MCM10: variants seen among roughly 807,000 people sequenced by gnomAD.
MCM10 encodes protein MCM10 homolog.
Under a neutral mutation model 109.9 loss-of-function variants are expected in MCM10, and 91 were observed. The observed-to-expected ratio is 0.83, with a 90% CI of 0.70 to 0.99. The LOEUF (loss-of-function observed/expected upper bound fraction) is 0.99, where lower values mean the gene tolerates loss of function less well. Among genes scored for constraint, MCM10 ranks in the 50% least tolerant of loss-of-function variants. The pLI is 0.00. For missense variants in MCM10, 1,077 were observed against 1,061.2 expected (o/e 1.01, Z -0.21); for synonymous variants, 380 against 387.2 (o/e 0.98, Z 0.22).
At chr10:13,167,966 C>T (rs1409906118) in intron 2 of MCM10, among the ~76,000 whole-genome samples, 2 of 152,122 alleles carry the variant, frequency 1.3e-5, no homozygotes, top group African/African-American at 2.4e-5. Flanking sequence ...ATTGAGTCAG[C>T]GTAATACAGA....
At chr10:13,190,757 C>T (rs1834337058) in intron 10 of MCM10, among the ~76,000 whole-genome samples, 1 of 151,550 alleles carries the variant, frequency 6.6e-6, no homozygotes. Context: ...CATATGTGTA[C>T]ATTTTTAGTA....
Position 13,209,298 on chromosome 10 carries a change from C to G in MCM10, c.2613C>G (p.Asn871Lys). 6 of 1,613,456 alleles carry G rather than the reference C, an allele frequency of 3.7e-6. No homozygotes were observed. The highest frequency in any genetic ancestry group is 5.1e-6 in the Non-Finnish European group (6 of 1,179,734). Residue 871 changes from asparagine (N) to lysine (K), a missense_variant, in exon 20 of 20, where the codon AAC (asparagine) becomes AAG (lysine). Physicochemically the swap from Asn to Lys is moderately conservative, Grantham distance 94. Transcript: ENST00000378714. The part of the protein sequence containing the change: ...PRGEEHAKFL[N>K]SLK ...GAGAAGAACATGCTAAATTTCTGAA[C>G]AGCCTTAAATAACCCGAACTTCAGA...
At chr10:13,183,922 G>C (rs1342754680) in intron 8 of MCM10, among the ~76,000 whole-genome samples, 1 of 152,062 alleles carries the variant, frequency 6.6e-6, no homozygotes, top group African/African-American at 2.4e-5. Context: ...GCAATGGCGT[G>C]ATCTTGACTC....
rs779109062 is a variant in MCM10 at position 13,172,451 on chromosome 10, C to G, written c.425C>G (p.Ala142Gly). The change falls in exon 4 of 20, where the codon GCA becomes GGA. Residue 142 changes from alanine (A) to glycine (G), a missense_variant. Coordinates refer to ENST00000378714, the MANE Select transcript of MCM10 (RefSeq NM_018518.5). This position sits in a 1 kb window ranked among gnomAD's most constrained non-coding sequence, Gnocchi z 5.2. Reference protein sequence around the residue: ...QLKVTTIKQTASPARLQKSPE... With the variant: ...QLKVTTIKQTGSPARLQKSPE... ...AAAGTAACAACAATTAAACAGACAG[C>G]AAGCCCAGCCCGTCTGCAAAAATCC... 6 of 1,614,092 alleles carry G rather than the reference C, an allele frequency of 3.7e-6. No homozygotes were observed. Among genetic ancestry groups the G allele is most frequent in the Non-Finnish European group, 8.5e-7 (1 of 1,180,004 alleles).
chr10:13,201,760 A>G (rs1834503515), intron 17 of MCM10: 1 of 514,126 alleles, frequency 1.9e-6, no homozygotes, highest in Admixed American at 3.2e-5. Flanking sequence ...CTCTCATTTG[A>G]CCACAGCCCC....
intron 11 of MCM10, among the ~76,000 whole-genome samples, chr10:13,191,673 C>T (rs772665442): frequency 5.3e-5 from 8 of 152,046 alleles, no homozygotes; most frequent in East Asian, 3.8e-4. Context: ...GTGAGTGGCG[C>T]GGTCTAACCT....
chr10:13,208,440 A>G (rs1437554310), intron 18 of MCM10, among the ~76,000 whole-genome samples: 2 of 150,150 alleles, frequency 1.3e-5, no homozygotes, highest in East Asian at 4.0e-4. Context: ...ATAAAAAGAG[A>G]GTAAAGAGGC....
intron 14 of MCM10, 166 bp downstream of exon 14, chr10:13,195,435 A>G (rs4076400): frequency 0.18 from 102,803 of 578,326 alleles, 11,008 homozygotes; most frequent in African/African-American, 0.31. Context: ...TAGATCTGTT[A>G]TCTCAACACT....
At chr10:13,180,033 C>G (rs1158306140) in intron 6 of MCM10, among the ~76,000 whole-genome samples, 2 of 152,142 alleles carry the variant, frequency 1.3e-5, no homozygotes, top group African/African-American at 2.4e-5. Context: ...GCGAGCAGAT[C>G]GCTTGAGGCC....
intron 18 of MCM10, among the ~76,000 whole-genome samples, chr10:13,207,760 C>T (rs1425676266): frequency 6.6e-6 from 1 of 152,178 alleles, no homozygotes; most frequent in African/African-American, 2.4e-5. Context: ...ATTGTGAGGC[C>T]TCCCCAGCCA....
At chr10:13,198,841 G>T in intron 16 of MCM10, 34 bp downstream of exon 16, 1 of 1,379,396 alleles carries the variant, frequency 7.2e-7, no homozygotes. Context: ...TGGTGTTGAT[G>T]TCCGATGTCC....
At chr10:13,170,004 C>T (rs965230905) in intron 2 of MCM10, among the ~76,000 whole-genome samples, 2 of 152,236 alleles carry the variant, frequency 1.3e-5, no homozygotes, top group South Asian at 2.1e-4. Context: ...CCACGCCTGG[C>T]TAGAACTATA....
Position 13,209,104 on chromosome 10 carries a change from T to C in MCM10, c.2512T>C (p.Tyr838His). The change falls in exon 19 of 20, where the codon TAC becomes CAC. Residue 838 changes from tyrosine (Y) to histidine (H), a missense_variant. Tyr to His is a moderately conservative substitution (Grantham distance 83). Coordinates refer to ENST00000378714, the MANE Select transcript of MCM10 (RefSeq NM_018518.5). ...GTTCTGTTTCAGTAACTGTGGCCTCTACAAATGGGAACGGGACGGAATGCT... is the reference window on the plus strand; with the variant it reads ...GTTCTGTTTCAGTAACTGTGGCCTCCACAAATGGGAACGGGACGGAATGCT... ...PNKHCSNCGL[Y>H]KWERDGMLKE... 1 of 1,613,224 alleles carries C rather than the reference T, an allele frequency of 6.2e-7. No homozygotes were observed. Among genetic ancestry groups the C allele is most frequent in the East Asian group, 2.2e-5 (1 of 44,890 alleles).
intron 2 of MCM10, among the ~76,000 whole-genome samples, chr10:13,166,433 C>G (rs903974492): frequency 6.6e-6 from 1 of 151,750 alleles, no homozygotes; most frequent in Non-Finnish European, 1.5e-5. Context: ...GTCAGGAGTT[C>G]GAGACCAGCC....
At chr10:13,166,821 T>G (rs138535052) in intron 2 of MCM10, among the ~76,000 whole-genome samples, 1,792 of 151,084 alleles carry the variant, frequency 0.012, 20 homozygotes, top group Non-Finnish European at 0.018. Flanking sequence ...GAATGCTTGT[T>G]TGTTATGGGT....
At position 13,182,075 on chromosome 10, in the gene MCM10, T is replaced by C. The variant is rs1316717441; in HGVS notation, c.931-858T>C. ...TATTTCTTCAGATACTTAATCATAC[T>C]TCTGAAATGTTAAGGTTAAACTCAA... On this transcript the variant is annotated intron_variant, in intron 7 of 19. Coordinates refer to ENST00000378714, the MANE Select transcript of MCM10 (RefSeq NM_018518.5). This position sits in a 1 kb window ranked among gnomAD's most constrained non-coding sequence, Gnocchi z 4.2. Among the ~76,000 whole-genome samples, 1 of 152,228 alleles carries C rather than the reference T, an allele frequency of 6.6e-6. No homozygotes were observed. The highest frequency in any genetic ancestry group is 1.5e-5 in the Non-Finnish European group (1 of 68,040).
At chr10:13,194,861 A>G (rs953170798) in intron 13 of MCM10, among the ~76,000 whole-genome samples, 180 bp from the exon 14 acceptor site, 4 of 152,344 alleles carry the variant, frequency 2.6e-5, no homozygotes, top group African/African-American at 9.6e-5. Flanking sequence ...AGGAGTTAGT[A>G]AAGCTAGTAT....
At chr10:13,183,536 C>T (rs1834236321) in intron 8 of MCM10, among the ~76,000 whole-genome samples, 1 of 152,162 alleles carries the variant, frequency 6.6e-6, no homozygotes, top group African/African-American at 2.4e-5. Context: ...TCTGGCTTTT[C>T]ATTTTTTGTT....
chr10:13,170,307 T>A (rs1382310999), intron 2 of MCM10, among the ~76,000 whole-genome samples: 1 of 152,156 alleles, frequency 6.6e-6, no homozygotes, highest in African/African-American at 2.4e-5. Context: ...AACAACAAAA[T>A]GTTAATGATG....
Sources: gnomAD v4.1 joint callset for allele counts (sites outside exome capture counted in the v4.1 genomes callset) on GRCh38, gnomAD v4.1.1 for gene constraint, Gnocchi (gnomAD v3.1) non-coding constraint, MANE v1.5 for transcripts, NCBI Gene and HGNC (gene_info 2026-07-23, HGNC 2026-07-21) for gene names.